The following PCNX2 variants were observed in gnomAD, a reference collection of about 807,000 sequenced individuals.
PCNX2 encodes pecanex 2.
PCNX2 carries 168 observed loss-of-function variants against 223.8 expected under a neutral mutation model. The ratio of observed to expected loss-of-function variants is 0.75; its 90% CI spans 0.66 to 0.85. The LOEUF is 0.85. Ranked by LOEUF, PCNX2 falls within the 40% of genes least tolerant of loss-of-function variation. PCNX2 has a pLI of 0.00. For missense variants in PCNX2, 2,507 were observed against 2,675.5 expected (o/e 0.94, Z 1.39); for synonymous variants, 1,006 against 1,052.6 (o/e 0.96, Z 0.86).
rs75132947 is a variant in PCNX2, at chr1:233,198,339, T to C, written c.3066+600A>G. The stretch of plus-strand genomic sequence containing the variant: ...AACATGATGATTACTCAGATTACTA[T>C]ATAAATATGGTTCACAGCTGAGCCA... On this transcript the variant is annotated intron_variant, in intron 15 of 33. Transcript: ENST00000258229. 2.7e-3 allele frequency among the ~76,000 whole-genome samples: 416 copies of C among 152,314 alleles called. 2 individuals are homozygous for C. In the East Asian group the frequency reaches 0.028, roughly 10 times the overall value.
the PCNX2 span, among the ~76,000 whole-genome samples, chr1:233,303,705 A>G: frequency 1.3e-5 from 2 of 152,190 alleles, no homozygotes; most frequent in Non-Finnish European, 2.9e-5. Flanking sequence ...GGTTAGTTAC[A>G]TATGTATACG....
intron 1 of PCNX2, among the ~76,000 whole-genome samples, chr1:233,293,113 A>G (rs1420643837): frequency 1.3e-5 from 2 of 152,214 alleles, no homozygotes; most frequent in Admixed American, 6.5e-5. Flanking sequence ...AGTTAGGTAG[A>G]AATTAAGGGT....
intron 32 of PCNX2, among the ~76,000 whole-genome samples, chr1:232,996,016 C>A (rs944353459): frequency 1.3e-5 from 2 of 152,178 alleles, no homozygotes; most frequent in African/African-American, 4.8e-5. Flanking sequence ...CACCACCACA[C>A]CTGGCTAATT....
chr1:233,007,990 T>C (rs1252464346), intron 28 of PCNX2, among the ~76,000 whole-genome samples: 1 of 152,190 alleles, frequency 6.6e-6, no homozygotes, highest in Non-Finnish European at 1.5e-5. Flanking sequence ...TGAGTCATCT[T>C]CTTAAAGGCC....
At chr1:233,112,711 G>GTGGT in intron 21 of PCNX2, 1 of 744,544 alleles carries the variant, frequency 1.3e-6, no homozygotes, top group Non-Finnish European at 1.8e-6. Flanking sequence ...GTAGATCTTT[G>GTGGT]AACAATATAA....
At chr1:233,222,129 C>T (rs190432803) in intron 10 of PCNX2, among the ~76,000 whole-genome samples, 157 of 152,216 alleles carry the variant, frequency 1.0e-3, no homozygotes, top group African/African-American at 3.2e-3. Flanking sequence ...ATCTGGGAGA[C>T]GAATGTTCCA....
chr1:233,138,447 C>T (rs1418499062), intron 20 of PCNX2, among the ~76,000 whole-genome samples: 1 of 152,140 alleles, frequency 6.6e-6, no homozygotes, highest in African/African-American at 2.4e-5. Flanking sequence ...GGCACTGGTA[C>T]CTTCTTTGCT....
chr1:233,125,727 T>C (rs781623528), intron 21 of PCNX2, among the ~76,000 whole-genome samples: 5 of 152,090 alleles, frequency 3.3e-5, no homozygotes, highest in Admixed American at 2.6e-4. Context: ...ACTCTCTCTT[T>C]TGGGGGAGGA....
intron 21 of PCNX2, among the ~76,000 whole-genome samples, chr1:233,123,842 T>C (rs1675944997): frequency 6.6e-6 from 1 of 152,210 alleles, no homozygotes; most frequent in Non-Finnish European, 1.5e-5. Flanking sequence ...CTAGAAAATG[T>C]ATCATGGGCA....
chr1:233,285,306 T>A (rs1307633495), intron 1 of PCNX2, among the ~76,000 whole-genome samples: 1 of 150,586 alleles, frequency 6.6e-6, no homozygotes, highest in Non-Finnish European at 1.5e-5. Flanking sequence ...GAGTTACAAT[T>A]ACGCCACTGT....
rs1491445034 is a variant in PCNX2 at position 233,118,488 on chromosome 1, CTA to C, written c.3837+16523_3837+16524del. On this transcript the variant is annotated intron_variant, in intron 21 of 33. Coordinates refer to ENST00000258229, the MANE Select transcript of PCNX2 (RefSeq NM_014801.4). ...ACCTACATAGAAAATCTCAAGGCACCTACAAAAAAAAAAAAAAAAAAAACCCT... is the reference window on the plus strand; with the variant it reads ...ACCTACATAGAAAATCTCAAGGCACCCAAAAAAAAAAAAAAAAAAAACCCT... Among the ~76,000 whole-genome samples the C allele has an allele frequency of 8.5e-4, 62 of 72,884 alleles. 1 individual carries two copies. The highest frequency in any genetic ancestry group is 3.2e-3 in the African/African-American group (53 of 16,690). The allele number at this position is 72,884 out of a possible 152,430, so 47.8% of individuals were successfully genotyped here.
intron 1 of PCNX2, chr1:233,289,120 T>C (rs1160795211): frequency 7.7e-6 from 7 of 904,886 alleles, no homozygotes; most frequent in Admixed American, 1.7e-5. Flanking sequence ...TTATATTTTG[T>C]ACAGCTTTTC....
intron 25 of PCNX2, among the ~76,000 whole-genome samples, chr1:233,050,007 G>A (rs1671943731): frequency 6.6e-6 from 1 of 151,998 alleles, no homozygotes; most frequent in Admixed American, 6.6e-5. Context: ...CTTGCTCATG[G>A]ATTGGAAGAA....
chr1:233,295,701 C>A lies in PCNX2; in HGVS notation c.-223G>T, dbSNP rs1222607820. The A allele has an allele frequency of 9.5e-6, 4 of 419,224 alleles. No individual in the cohort carries two copies. The highest frequency in any genetic ancestry group is 4.7e-5 in the Admixed American group (1 of 21,326). 26.0% of individuals were successfully genotyped at this position (419,224 alleles called of 1,614,324 possible). A position where few individuals can be genotyped will look rare whatever the true frequency, so the allele number is the denominator to read the frequency against. Reference sequence around the variant, plus strand: ...GCCGGAGCCGGCTGCTGCGGCCGGGCAGGTGAGCGCCATGTCCGAGGGAGG... The same window carrying A: ...GCCGGAGCCGGCTGCTGCGGCCGGGAAGGTGAGCGCCATGTCCGAGGGAGG... On this transcript the variant is annotated 5_prime_UTR_variant, in exon 1 of 34. Transcript: ENST00000258229. The surrounding 1 kb of genome is among the most constrained non-coding windows in gnomAD (Gnocchi z 4.1).
At chr1:233,283,969 G>T (rs941395084) in intron 1 of PCNX2, among the ~76,000 whole-genome samples, 2 of 152,158 alleles carry the variant, frequency 1.3e-5, no homozygotes, top group African/African-American at 2.4e-5. Flanking sequence ...GCGGGTTGGG[G>T]AGAGGTGGGA....
intron 17 of PCNX2, among the ~76,000 whole-genome samples, chr1:233,171,753 T>C (rs919353508): frequency 1.3e-5 from 2 of 152,234 alleles, no homozygotes; most frequent in Admixed American, 1.3e-4. Context: ...CTCTCAGATA[T>C]TATCTCATCA....
chr1:233,137,620 G>C (rs975479436), intron 20 of PCNX2, among the ~76,000 whole-genome samples: 20 of 152,096 alleles, frequency 1.3e-4, no homozygotes, highest in African/African-American at 4.3e-4. Context: ...ATTTAGTTTT[G>C]TATTGGTTTT....
intron 19 of PCNX2, among the ~76,000 whole-genome samples, chr1:233,141,063 A>C (rs1677079870): frequency 6.6e-6 from 1 of 152,188 alleles, no homozygotes; most frequent in Admixed American, 6.5e-5. Context: ...TTACCCTACA[A>C]TGACCTAGAG....
chr1:233,199,860 G>A (rs187637542), intron 14 of PCNX2, among the ~76,000 whole-genome samples: 30 of 151,708 alleles, frequency 2.0e-4, no homozygotes, highest in East Asian at 9.7e-4. Flanking sequence ...ATTCACACAC[G>A]GAGTGTTTTT....
Sources: allele counts gnomAD v4.1 joint callset (sites outside exome capture counted in the v4.1 genomes callset), GRCh38; gene constraint gnomAD v4.1.1; non-coding constraint Gnocchi (gnomAD v3.1); transcripts MANE v1.5; gene names NCBI Gene and HGNC (gene_info 2026-07-23, HGNC 2026-07-21).